Variants in RNF14 observed in about 807,000 individuals in gnomAD.
RNF14 encodes E3 ubiquitin-protein ligase RNF14.
A neutral mutation model predicts 52.6 loss-of-function variants in RNF14; 26 were observed. The ratio of observed to expected loss-of-function variants is 0.49; its 90% CI spans 0.36 to 0.69. RNF14 has a LOEUF of 0.69. Among genes scored for constraint, RNF14 ranks in the 30% least tolerant of loss-of-function variants. The pLI, the probability that RNF14 is intolerant of heterozygous loss-of-function variation, is 0.00. For synonymous variants in RNF14, 194 were observed against 202.0 expected, an observed-to-expected ratio of 0.96 and a Z score of 0.34; for missense variants, 404 against 560.4, an observed-to-expected ratio of 0.72 and a Z score of 2.82.
At chr5:141,962,164 G>A (rs1380446779), upstream of RNF14, among the ~76,000 whole-genome samples, 1 of 152,222 alleles carries the variant, frequency 6.6e-6, no homozygotes, top group East Asian at 1.9e-4. Flanking sequence ...TCCTAGCAGG[G>A]CACTTTGTGG....
At chr5:141,962,406 A>C (rs1245255711), upstream of RNF14, among the ~76,000 whole-genome samples, 2 of 152,246 alleles carry the variant, frequency 1.3e-5, no homozygotes, top group African/African-American at 4.8e-5. Context: ...AAGAAAATTC[A>C]TACTTTTCCC....
At chr5:141,949,505 C>T in the RNF14 span, 1 of 1,614,160 alleles carries the variant, frequency 6.2e-7, no homozygotes, top group Non-Finnish European at 8.5e-7. Flanking sequence ...CTTCAGGATC[C>T]AAAGGCCCTT....
upstream of RNF14, chr5:141,956,115 C>T (rs1753178979): frequency 1.2e-6 from 2 of 1,614,194 alleles, no homozygotes; most frequent in East Asian, 4.5e-5. Context: ...CATTCACAAG[C>T]ACGGAGAGGC....
At chr5:141,978,860 C>A (rs758487179) in intron 5 of RNF14, 30 bp downstream of exon 5, 2 of 1,597,812 alleles carry the variant, frequency 1.3e-6, no homozygotes, top group Non-Finnish European at 1.7e-6. Context: ...ATGGTTGCCT[C>A]CTAATTCTCT....
upstream of RNF14, among the ~76,000 whole-genome samples, chr5:141,968,097 T>C (rs369487885): frequency 1.3e-4 from 20 of 150,112 alleles, no homozygotes; most frequent in East Asian, 3.0e-3. Context: ...TTAAAAACAA[T>C]ATATGGCTTT....
chr5:141,969,688 T>A (rs1342390367), intron 1 of RNF14: 1 of 152,298 alleles, frequency 6.6e-6, no homozygotes, highest in Admixed American at 6.5e-5. Flanking sequence ...CTGTTGAAAC[T>A]GCTTGGAGTA....
chr5:141,971,768 CCA>C (rs1376907793), intron 2 of RNF14, among the ~76,000 whole-genome samples: 1 of 151,478 alleles, frequency 6.6e-6, no homozygotes, highest in African/African-American at 2.4e-5. Flanking sequence ...CGTGCCTCAG[CCA>C]CCGAGTAGCT....
At chr5:141,958,349 G>T (rs975760853) in exon 1 of RNF14, 2 of 158,206 alleles carry the variant, frequency 1.3e-5, no homozygotes, top group South Asian at 3.6e-4. Flanking sequence ...CCGGGGCTCC[G>T]GGGACAGGCC....
chr5:141,963,214 T>G (rs1007527231), upstream of RNF14: 43 of 152,220 alleles, frequency 2.8e-4, no homozygotes, highest in African/African-American at 9.9e-4. Flanking sequence ...TGTCCTTTCC[T>G]CTACGTAGGG....
At chr5:141,987,303 G>A (rs1020111089) in intron 8 of RNF14, among the ~76,000 whole-genome samples, 26 of 152,246 alleles carry the variant, frequency 1.7e-4, no homozygotes, top group African/African-American at 6.0e-4. Context: ...GGGGCTTAGG[G>A]TATCATTTTT....
chr5:141,963,922 C>G (rs1335909680), upstream of RNF14, among the ~76,000 whole-genome samples: 1 of 152,180 alleles, frequency 6.6e-6, no homozygotes, highest in Non-Finnish European at 1.5e-5. Flanking sequence ...CAGCCACACA[C>G]TGATTTATGA....
intron 6 of RNF14, 131 bp downstream of exon 6, chr5:141,980,482 C>A: frequency 1.4e-6 from 1 of 723,184 alleles, no homozygotes; most frequent in Non-Finnish European, 2.3e-6. Flanking sequence ...GTGTCAGTGA[C>A]TATCTCAGGC....
the RNF14 span, among the ~76,000 whole-genome samples, chr5:141,951,783 A>C: frequency 6.6e-6 from 1 of 152,222 alleles, no homozygotes; most frequent in African/African-American, 2.4e-5. Context: ...CTGCTCTGTC[A>C]TGTCACCCCA....
At chr5:141,985,227 A>G (rs567565371) in intron 8 of RNF14, among the ~76,000 whole-genome samples, 43 of 152,340 alleles carry the variant, frequency 2.8e-4, no homozygotes, top group Middle Eastern at 3.4e-3. Context: ...GTACTTTGCC[A>G]TATTTGTTCC....
chr5:141,952,217 G>A, the RNF14 span, among the ~76,000 whole-genome samples: 1 of 152,174 alleles, frequency 6.6e-6, no homozygotes, highest in Non-Finnish European at 1.5e-5. Context: ...GAGGCTGGCT[G>A]GAGATCAGGG....
At chr5:141,984,009 C>T (rs887514371) in intron 7 of RNF14, among the ~76,000 whole-genome samples, 3 of 151,880 alleles carry the variant, frequency 2.0e-5, no homozygotes, top group Admixed American at 6.6e-5. Flanking sequence ...AATCAAAATA[C>T]ATCTTAGCAT....
chr5:141,971,887 A>G (rs1753815755), intron 2 of RNF14, among the ~76,000 whole-genome samples: 1 of 151,844 alleles, frequency 6.6e-6, no homozygotes, highest in Non-Finnish European at 1.5e-5. Context: ...GCCTCAAGTG[A>G]TCTGCCTGCC....
upstream of RNF14, among the ~76,000 whole-genome samples, chr5:141,962,663 G>T (rs1450897787): frequency 6.6e-6 from 1 of 152,190 alleles, no homozygotes; most frequent in Non-Finnish European, 1.5e-5. Context: ...AAGGACTTTT[G>T]AATTCGTTAT....
Position 141,978,704 on chromosome 5 carries a change from G to A in RNF14, c.708G>A (p.Leu236=). 3 of 1,614,002 alleles carry A rather than the reference G, an allele frequency of 1.9e-6. 1 individual carries two copies. The highest frequency in any genetic ancestry group is 2.7e-5 in the African/African-American group (2 of 75,044). ...TGGGTAGTGAATGCATGTACTTCTTGGAGTGCAGGCATGTGTACTGCAAAG... is the reference window on the plus strand; with the variant it reads ...TGGGTAGTGAATGCATGTACTTCTTAGAGTGCAGGCATGTGTACTGCAAAG... The part of the protein sequence containing the change: ...EKLGSECMYF[L]ECRHVYCKAC... Residue 236 remains leucine, a synonymous_variant, in exon 5 of 9, where the codon TTG becomes TTA. Coordinates refer to ENST00000394520, the MANE Select transcript of RNF14 (RefSeq NM_004290.5).
Sources: gnomAD v4.1 joint callset for allele counts (sites outside exome capture counted in the v4.1 genomes callset) on GRCh38, gnomAD v4.1.1 for gene constraint, MANE v1.5 for transcripts, NCBI Gene and HGNC (gene_info 2026-07-23, HGNC 2026-07-21) for gene names.